Variants in MALRD1 observed in about 807,000 individuals in gnomAD.
MALRD1 encodes MAM and LDL-receptor class A domain-containing protein 1.
A neutral mutation model predicts 242.1 loss-of-function variants in MALRD1; 247 were observed. That is an observed-to-expected ratio of 1.02 (90% CI 0.92 to 1.13). The LOEUF (loss-of-function observed/expected upper bound fraction) is 1.13. Ranked by LOEUF, MALRD1 falls within the 50% of genes most tolerant of loss-of-function variation. MALRD1 has a pLI of 0.00. For synonymous variants in MALRD1, 995 were observed against 866.6 expected (o/e 1.15, Z -2.60); for missense variants, 2,989 against 2,533.1 (o/e 1.18, Z -3.86).
At chr10:19,245,879 G>C (rs984091204) in intron 18 of MALRD1, among the ~76,000 whole-genome samples, 8 of 152,274 alleles carry the variant, frequency 5.3e-5, no homozygotes, top group African/African-American at 1.4e-4. Context: ...TTCTTGAGAT[G>C]AGTTGTAAAT....
chr10:19,360,910 G>GT (rs201629191), intron 26 of MALRD1, among the ~76,000 whole-genome samples: 1,785 of 149,626 alleles, frequency 0.012, 17 homozygotes, highest in Non-Finnish European at 0.02. Flanking sequence ...AACCAGTGAA[G>GT]TTTTTTTTTT....
chr10:19,636,664 C>T (rs1840138865), intron 36 of MALRD1, among the ~76,000 whole-genome samples: 1 of 151,974 alleles, frequency 6.6e-6, no homozygotes, highest in Non-Finnish European at 1.5e-5. Flanking sequence ...TTTGGAAGGC[C>T]GTGGCGAGTG....
chr10:19,388,724 T>G (rs1846197905), intron 27 of MALRD1, among the ~76,000 whole-genome samples: 1 of 152,074 alleles, frequency 6.6e-6, no homozygotes, highest in African/African-American at 2.4e-5. Context: ...TAAAGGACAG[T>G]AGCAGAATAA....
At chr10:19,441,871 A>G (rs1478441546) in intron 28 of MALRD1, among the ~76,000 whole-genome samples, 1 of 152,178 alleles carries the variant, frequency 6.6e-6, no homozygotes, top group African/African-American at 2.4e-5. Context: ...TCTGTGAAGA[A>G]AGTCATTGGT....
chr10:19,449,870 A>T (rs556806811), intron 28 of MALRD1, among the ~76,000 whole-genome samples: 1 of 152,320 alleles, frequency 6.6e-6, no homozygotes, highest in South Asian at 2.1e-4. Flanking sequence ...AAGAAAAAAG[A>T]AATGTTCCAT....
At chr10:19,234,500 CAAT>C (rs1228203809) in intron 18 of MALRD1, among the ~76,000 whole-genome samples, 6 of 151,902 alleles carry the variant, frequency 3.9e-5, no homozygotes, top group African/African-American at 1.5e-4. Flanking sequence ...TTTTCAGTAT[CAAT>C]AAAAAGTATC....
chr10:19,235,220 T>C (rs1838259052), intron 18 of MALRD1, among the ~76,000 whole-genome samples: 1 of 152,094 alleles, frequency 6.6e-6, no homozygotes, highest in South Asian at 2.1e-4. Context: ...ACGTTTGAAG[T>C]AGGGCTATAG....
At chr10:19,272,086 A>G (rs2131851368) in intron 19 of MALRD1, among the ~76,000 whole-genome samples, 1 of 152,260 alleles carries the variant, frequency 6.6e-6, no homozygotes, top group South Asian at 2.1e-4. Context: ...CTGGCTATTT[A>G]TATAAATTAG....
At chr10:19,098,117 G>A (rs142555921) in intron 4 of MALRD1, among the ~76,000 whole-genome samples, 1 of 152,010 alleles carries the variant, frequency 6.6e-6, no homozygotes, top group Non-Finnish European at 1.5e-5. Flanking sequence ...ACTTCTTTTC[G>A]GTAACACTTT....
In MALRD1 at chr10:19,087,843, A is replaced by T; in HGVS notation, c.344A>T (p.His115Leu). 8.1e-7 allele frequency: 1 copy of T among 1,231,048 alleles called. No homozygotes were observed. The highest frequency in any genetic ancestry group is 1.0e-6 in the Non-Finnish European group (1 of 985,900). The allele number at this position is 1,231,048 out of a possible 1,614,324, so 76.3% of individuals were successfully genotyped here. A position where few individuals can be genotyped will look rare whatever the true frequency, so the allele number is the denominator to read the frequency against. The change falls in exon 3 of 40, where the codon CAC becomes CTC. Residue 115 changes from histidine (H) to leucine (L), a missense_variant. Physicochemically the swap from His to Leu is moderately conservative, Grantham distance 99. Coordinates refer to ENST00000454679, the MANE Select transcript of MALRD1 (RefSeq NM_001142308.3). ...CCCTGTCTCTTCTTTCTGATAGCTC[A>T]CTTCCTCTCACTGGTTTCCAGAGTG... is the stretch of plus-strand genomic sequence containing the variant. ...FYDHNGDVSA[H>L]FLSLVSRVDS...
At position 19,419,992 on chromosome 10, in the gene MALRD1, A is replaced by C. The variant is rs1237579342; in HGVS notation, c.4846-30315A>C. On this transcript the variant is annotated intron_variant, in intron 28 of 39. Coordinates refer to ENST00000454679, the MANE Select transcript of MALRD1 (RefSeq NM_001142308.3). The stretch of plus-strand genomic sequence containing the variant: ...ATATGTAAAGTTTTGGTGCCGCAAA[A>C]TAAATGGCACTGGAATATAAAATTT... Among the ~76,000 whole-genome samples the C allele has an allele frequency of 3.3e-5, 5 of 152,226 alleles. No homozygotes were observed. In the East Asian group the frequency reaches 7.7e-4, roughly 23 times the overall value.
At chr10:19,404,170 AT>A (rs1487717851) in intron 28 of MALRD1, among the ~76,000 whole-genome samples, 6 of 152,046 alleles carry the variant, frequency 3.9e-5, no homozygotes, top group African/African-American at 1.4e-4. Context: ...ACAATTTACT[AT>A]GTTTCCTTAG....
chr10:19,488,295 A>G (rs1837320842), intron 29 of MALRD1, among the ~76,000 whole-genome samples: 1 of 152,184 alleles, frequency 6.6e-6, no homozygotes, highest in African/African-American at 2.4e-5. Flanking sequence ...CCAACTATAT[A>G]TCAGGTTCTA....
chr10:19,463,959 G>A (rs1456084306), intron 29 of MALRD1, among the ~76,000 whole-genome samples: 1 of 152,064 alleles, frequency 6.6e-6, no homozygotes. Flanking sequence ...TCATTTCCCT[G>A]ATCATTAGTG....
intron 11 of MALRD1, among the ~76,000 whole-genome samples, chr10:19,151,774 T>C (rs6481761): frequency 0.34 from 51,762 of 152,118 alleles, 9,214 homozygotes; most frequent in Non-Finnish European, 0.39. Context: ...GCATCTATTA[T>C]GATATGATTG....
intron 7 of MALRD1, among the ~76,000 whole-genome samples, chr10:19,126,826 C>T (rs1468239088): frequency 2.0e-5 from 3 of 151,872 alleles, no homozygotes; most frequent in Non-Finnish European, 2.9e-5. Flanking sequence ...TAAACATGTG[C>T]TGTGGTGGTT....
chr10:19,667,278 AG>A (rs1481585841), intron 36 of MALRD1, among the ~76,000 whole-genome samples: 1 of 152,094 alleles, frequency 6.6e-6, no homozygotes, highest in Non-Finnish European at 1.5e-5. Context: ...CAACATATGG[AG>A]ATCTCGTCTC....
chr10:19,666,030 T>C (rs563548103), intron 36 of MALRD1, among the ~76,000 whole-genome samples: 11 of 152,214 alleles, frequency 7.2e-5, no homozygotes, highest in African/African-American at 2.4e-4. Flanking sequence ...GAGATAGGTG[T>C]CCTCTTCATC....
intron 28 of MALRD1, among the ~76,000 whole-genome samples, chr10:19,403,843 A>G (rs961275286): frequency 4.6e-5 from 7 of 152,102 alleles, no homozygotes; most frequent in African/African-American, 1.4e-4. Context: ...TTTTCAGAAA[A>G]TCCCCAAATT....
Sources: gnomAD v4.1 joint callset for allele counts (sites outside exome capture counted in the v4.1 genomes callset) on GRCh38, gnomAD v4.1.1 for gene constraint, MANE v1.5 for transcripts, NCBI Gene and HGNC (gene_info 2026-07-23, HGNC 2026-07-21) for gene names.